CTDSPL2: variants seen among roughly 807,000 people sequenced by gnomAD.
The protein encoded by CTDSPL2 is CTD small phosphatase like 2, also known as CTD small phosphatase-like protein 2.
In CTDSPL2, 5 loss-of-function variants were observed where a neutral mutation model predicts 60.0. The ratio of observed to expected loss-of-function variants is 0.08; its 90% CI spans 0.04 to 0.18. The LOEUF (loss-of-function observed/expected upper bound fraction) is 0.18. Ranked by LOEUF, CTDSPL2 falls within the 10% of genes least tolerant of loss-of-function variation. The pLI is 1.00. For synonymous variants in CTDSPL2, 186 were observed against 189.3 expected (o/e 0.98, Z 0.14); for missense variants, 370 against 548.8 (o/e 0.67, Z 3.26).
At chr15:44,522,970 G>GTGGT (rs1316769637) in intron 12 of CTDSPL2, among the ~76,000 whole-genome samples, 3 of 152,010 alleles carry the variant, frequency 2.0e-5, no homozygotes, top group Non-Finnish European at 4.4e-5. Context: ...GCAGGATGTA[G>GTGGT]TGGTGCACAC....
At chr15:44,523,434 ACATACATACAT>A (rs1397944869) in intron 12 of CTDSPL2, among the ~76,000 whole-genome samples, 1 of 147,218 alleles carries the variant, frequency 6.8e-6, no homozygotes, top group Non-Finnish European at 1.5e-5. Flanking sequence ...ATACATACAT[ACATACATACAT>A]AAGCAAGCAA....
rs1318426750 is a variant in CTDSPL2 at position 44,496,458 on chromosome 15, C to T, written c.770C>T (p.Pro257Leu). 4 of 1,612,060 alleles carry T rather than the reference C, an allele frequency of 2.5e-6. No homozygotes were observed. The South Asian group carries it at 3.3e-5, about 13-fold the overall frequency. Residue 257 changes from proline (P) to leucine (L), a missense_variant and splice_region_variant, in exon 6 of 13, where the codon CCC (proline) becomes CTC (leucine). Around this residue, in one of 6 missense-constraint regions of CTDSPL2, gnomAD observed 16 missense variants for 44.3 expected, o/e 0.36. Coordinates refer to ENST00000260327, the MANE Select transcript of CTDSPL2 (RefSeq NM_016396.3). ...GAAGAAGACTGGGAAGTATTTGACC[C>T]GTGAGTTGCTTTTTTCTCTTTTTTT... ...TYEEDWEVFD[P>L]YYFIKHVPPL...
chr15:44,520,853 C>G (rs2081754965), intron 11 of CTDSPL2: 1 of 152,074 alleles, frequency 6.6e-6, no homozygotes, highest in Non-Finnish European at 1.5e-5. Context: ...AGTTATCATC[C>G]TACTCGATGG....
chr15:44,441,590 C>T (rs2080086959), intron 1 of CTDSPL2, among the ~76,000 whole-genome samples: 1 of 152,112 alleles, frequency 6.6e-6, no homozygotes, highest in African/African-American at 2.4e-5. Context: ...TTTTATGGAA[C>T]CATTGTTTCT....
chr15:44,428,593 A>T (rs2079794934), intron 1 of CTDSPL2, among the ~76,000 whole-genome samples: 1 of 152,224 alleles, frequency 6.6e-6, no homozygotes, highest in Non-Finnish European at 1.5e-5. Flanking sequence ...GAGCTCGTAA[A>T]CTTACCTGAG....
At chr15:44,493,298 A>G (rs1323860397) in intron 5 of CTDSPL2, among the ~76,000 whole-genome samples, 1 of 152,212 alleles carries the variant, frequency 6.6e-6, no homozygotes. Context: ...TGACAAAAGT[A>G]TTCTTTTCCT....
chr15:44,456,350 C>T (rs919723700), intron 1 of CTDSPL2, among the ~76,000 whole-genome samples: 6 of 152,098 alleles, frequency 3.9e-5, no homozygotes, highest in East Asian at 3.9e-4. Context: ...GGTAGAATTC[C>T]GCTGTGAATC....
In CTDSPL2 at chr15:44,524,117, T is replaced by C. The variant is rs1286886402; in HGVS notation, c.1344T>C (p.Asp448=). The change falls in exon 13 of 13, where the codon GAT becomes GAC. Residue 448 remains aspartate, a synonymous_variant. Transcript: ENST00000260327. ...FLEKLVELNE[D]VRPHIRDRFR... Reference sequence around the variant, plus strand: ...GTCTTTTTTCCACGCAGAATGAAGATGTTCGACCACACATCAGAGACAGAT... The same window carrying C: ...GTCTTTTTTCCACGCAGAATGAAGACGTTCGACCACACATCAGAGACAGAT... 1 of 1,613,920 alleles carries C rather than the reference T, an allele frequency of 6.2e-7. No homozygotes were observed. Among genetic ancestry groups the C allele is most frequent in the Non-Finnish European group, 8.5e-7 (1 of 1,179,878 alleles).
rs996541664 is a variant in CTDSPL2 at position 44,433,469 on chromosome 15, C to T, written c.-25+5697C>T. On this transcript the variant is annotated intron_variant, in intron 1 of 12. Coordinates refer to ENST00000260327, the MANE Select transcript of CTDSPL2 (RefSeq NM_016396.3). ...TTATATACATATATATACACACACA[C>T]ACACACACACACACACACTTTTTTT... is the stretch of plus-strand genomic sequence containing the variant. Among the ~76,000 whole-genome samples, 73 of 151,312 alleles carry T rather than the reference C, an allele frequency of 4.8e-4. No individual in the cohort carries two copies. The East Asian group carries it at 0.013, about 26-fold the overall frequency.
intron 1 of CTDSPL2, among the ~76,000 whole-genome samples, chr15:44,431,411 T>A (rs2079854791): frequency 6.6e-6 from 1 of 152,234 alleles, no homozygotes; most frequent in South Asian, 2.1e-4. Context: ...AATTTTTTAA[T>A]TTGAACTATA....
chr15:44,506,347 C>G (rs2081463929), intron 8 of CTDSPL2, among the ~76,000 whole-genome samples: 1 of 148,320 alleles, frequency 6.7e-6, no homozygotes, highest in Admixed American at 6.7e-5. Flanking sequence ...CCATTGGTAA[C>G]TTTTAATATA....
At chr15:44,502,130 C>T (rs935611580) in intron 8 of CTDSPL2, 1 of 238,766 alleles carries the variant, frequency 4.2e-6, no homozygotes, top group Non-Finnish European at 8.5e-6. Context: ...ACTGCATATA[C>T]TCTTATTTTT....
intron 1 of CTDSPL2, among the ~76,000 whole-genome samples, chr15:44,433,475 C>T (rs1342688684): frequency 6.6e-6 from 1 of 151,560 alleles, no homozygotes; most frequent in Non-Finnish European, 1.5e-5. Context: ...CACACACACA[C>T]ACACACACAC....
rs139568417 is a variant in CTDSPL2 at position 44,429,388 on chromosome 15, T to C, written c.-25+1616T>C. ...GGGATCTTAAATCATTGGTCTAGTG[T>C]GTAGGTTTTGTCTGTATTTTAATGA... is the stretch of plus-strand genomic sequence containing the variant. On this transcript the variant is annotated intron_variant, in intron 1 of 12. Coordinates refer to ENST00000260327, the MANE Select transcript of CTDSPL2 (RefSeq NM_016396.3). 1.4e-3 allele frequency among the ~76,000 whole-genome samples: 210 copies of C among 152,284 alleles called. 1 individual carries two copies. The highest frequency in any genetic ancestry group is 5.0e-3 in the African/African-American group (207 of 41,558).
intron 1 of CTDSPL2, among the ~76,000 whole-genome samples, chr15:44,437,895 A>C (rs2080008233): frequency 6.6e-6 from 1 of 152,228 alleles, no homozygotes; most frequent in Non-Finnish European, 1.5e-5. Context: ...AGTTAATTGA[A>C]AGAATGAGGT....
At chr15:44,514,683 CA>C in intron 9 of CTDSPL2, 23 bp downstream of exon 9, 1 of 1,567,280 alleles carries the variant, frequency 6.4e-7, no homozygotes, top group Non-Finnish European at 8.8e-7. Context: ...AAGCTAATTA[CA>C]TATGTATTTT....
intron 8 of CTDSPL2, among the ~76,000 whole-genome samples, chr15:44,501,195 G>A (rs3784567): frequency 0.051 from 7,791 of 151,844 alleles, 357 homozygotes; most frequent in East Asian, 0.23. Context: ...GGTGTTTTTC[G>A]TGATTGCATT....
At chr15:44,428,503 C>T (rs962054395) in intron 1 of CTDSPL2, among the ~76,000 whole-genome samples, 1 of 152,182 alleles carries the variant, frequency 6.6e-6, no homozygotes, top group African/African-American at 2.4e-5. Context: ...TGTTTATTTA[C>T]TTCTCACCCT....
rs1361074815 is a variant in CTDSPL2 at position 44,521,418 on chromosome 15, TTA to T, written c.1335+14_1335+15del. On this transcript the variant is annotated intron_variant, in intron 12 of 12. Coordinates refer to ENST00000260327, the MANE Select transcript of CTDSPL2 (RefSeq NM_016396.3). ...AGCTTGTAGAACTGGTAAGTGTAGC[TTA>T]TCTTTTTCTGTTGTGTTTTTGTTAG... 7.2e-7 allele frequency: 1 copy of T among 1,388,582 alleles called. No homozygotes were observed. The highest frequency in any genetic ancestry group is 2.3e-5 in the East Asian group (1 of 43,008). 86.0% of individuals were successfully genotyped at this position (1,388,582 alleles called of 1,614,324 possible). A position where few individuals can be genotyped will look rare whatever the true frequency, so the allele number is the denominator to read the frequency against.
Sources: gnomAD v4.1 joint callset for allele counts (sites outside exome capture counted in the v4.1 genomes callset) on GRCh38, gnomAD v4.1.1 for gene constraint, gnomAD v4.1.1 regional missense constraint, MANE v1.5 for transcripts, NCBI Gene and HGNC (gene_info 2026-07-23, HGNC 2026-07-21) for gene names.